The following DPH6 variants were observed in gnomAD, a reference collection of about 807,000 sequenced individuals.
DPH6 encodes diphthamine biosynthesis 6, also known as diphthine--ammonia ligase.
A neutral mutation model predicts 38.2 loss-of-function variants in DPH6; 33 were observed. The observed-to-expected ratio is 0.86, with a 90% confidence interval of 0.65 to 1.15. The LOEUF is 1.15. DPH6 is among the 50% of genes most tolerant of loss of function. DPH6 has a pLI of 0.00. For missense variants in DPH6, 325 were observed against 320.0 expected (o/e 1.02, Z -0.12); for synonymous variants, 108 against 103.0 (o/e 1.05, Z -0.30).
At chr15:35,326,835 TCCCTACCTCACTAAGAA>T (rs1317555372), downstream of DPH6, among the ~76,000 whole-genome samples, 1 of 152,080 alleles carries the variant, frequency 6.6e-6, no homozygotes, top group Non-Finnish European at 1.5e-5. Flanking sequence ...TACCTCCCCA[TCCCTACCTCACTAAGAA>T]CCTGCATTCT....
chr15:35,282,763 G>A (rs1344720899), intron 3 of DPH6: 3 of 350,190 alleles, frequency 8.6e-6, no homozygotes, highest in East Asian at 6.7e-5. Flanking sequence ...TGGAGAAGTT[G>A]TCTAGTCATC....
chr15:35,542,945 AATAT>A lies in DPH6; in HGVS notation c.24-442_24-439del, dbSNP rs67141062. ...ATAATATATATTATTCCACTTAAGGAATATATATATATATATATATAAAATAATT... is the reference window on the plus strand; with the variant it reads ...ATAATATATATTATTCCACTTAAGGAATATATATATATATATAAAATAATT... On this transcript the variant is annotated intron_variant, in intron 1 of 8. Transcript: ENST00000256538. Among the ~76,000 whole-genome samples the A allele has an allele frequency of 0.014, 430 of 30,230 alleles. 45 individuals carry two copies. The East Asian group carries it at 0.2, about 14-fold the overall frequency. The allele number at this position is 30,230 out of a possible 152,430, so 19.8% of individuals were successfully genotyped here.
intron 3 of DPH6, among the ~76,000 whole-genome samples, chr15:35,261,613 G>A (rs1334663505): frequency 2.0e-5 from 3 of 151,988 alleles, no homozygotes; most frequent in East Asian, 1.9e-4. Context: ...CGGGAAGATC[G>A]CTTGAGCTCA....
chr15:35,511,593 C>T (rs542577802), intron 3 of DPH6, among the ~76,000 whole-genome samples: 6 of 152,134 alleles, frequency 3.9e-5, no homozygotes, highest in African/African-American at 1.4e-4. Flanking sequence ...AAAAGAGCAG[C>T]GATACTCCTC....
At chr15:35,468,529 A>G (rs1041485920) in intron 3 of DPH6, among the ~76,000 whole-genome samples, 2 of 152,088 alleles carry the variant, frequency 1.3e-5, no homozygotes, top group Non-Finnish European at 2.9e-5. Context: ...CTCATCTACC[A>G]TTCTCCCTTT....
intron 3 of DPH6, among the ~76,000 whole-genome samples, chr15:35,301,453 AC>A (rs2052054090): frequency 6.6e-6 from 1 of 152,220 alleles, no homozygotes; most frequent in African/African-American, 2.4e-5. Flanking sequence ...TTGCTCAGTG[AC>A]TTTTCTCCTC....
At chr15:35,423,074 C>T (rs369926474) in intron 5 of DPH6, among the ~76,000 whole-genome samples, 1 of 151,944 alleles carries the variant, frequency 6.6e-6, no homozygotes, top group African/African-American at 2.4e-5. Flanking sequence ...TGGGTATATA[C>T]TCAGAAGTGT....
At chr15:35,385,253 C>G (rs560370851) in intron 6 of DPH6, among the ~76,000 whole-genome samples, 1 of 152,294 alleles carries the variant, frequency 6.6e-6, no homozygotes, top group South Asian at 2.1e-4. Flanking sequence ...TTTGACCCAG[C>G]CATCCCATTA....
intron 3 of DPH6, among the ~76,000 whole-genome samples, chr15:35,313,591 C>T (rs889492123): frequency 6.6e-6 from 1 of 151,896 alleles, no homozygotes; most frequent in African/African-American, 2.4e-5. Context: ...ATATATTATT[C>T]GTATCTATTG....
At chr15:35,539,966 T>TA (rs1211460140) in intron 2 of DPH6, among the ~76,000 whole-genome samples, 1 of 152,094 alleles carries the variant, frequency 6.6e-6, no homozygotes, top group Non-Finnish European at 1.5e-5. Flanking sequence ...CAAAGTTACC[T>TA]AAAAACCTTT....
the DPH6 span, among the ~76,000 whole-genome samples, chr15:35,175,257 C>T: frequency 3.9e-5 from 6 of 152,188 alleles, no homozygotes; most frequent in Non-Finnish European, 8.8e-5. Context: ...AACACTCACC[C>T]TGTTTTCAAT....
intron 3 of DPH6, among the ~76,000 whole-genome samples, chr15:35,297,018 C>T (rs528242025): frequency 3.0e-3 from 463 of 152,250 alleles, no homozygotes; most frequent in African/African-American, 0.011. Flanking sequence ...TATGCTGCAC[C>T]TTCCCTAGGA....
intron 3 of DPH6, among the ~76,000 whole-genome samples, chr15:35,225,678 T>C (rs978845663): frequency 6.6e-6 from 1 of 152,210 alleles, no homozygotes; most frequent in Non-Finnish European, 1.5e-5. Flanking sequence ...AGATTTTTTC[T>C]ATTAAGCTAT....
chr15:35,390,881 G>A (rs972013506), intron 6 of DPH6, among the ~76,000 whole-genome samples: 1 of 152,176 alleles, frequency 6.6e-6, no homozygotes, highest in Non-Finnish European at 1.5e-5. Flanking sequence ...TCCATTGCTG[G>A]TGAGGAGCTG....
At chr15:35,157,290 T>C in the DPH6 span, among the ~76,000 whole-genome samples, 142,334 of 152,198 alleles carry the variant, frequency 0.94, 67,313 homozygotes, top group East Asian at 1. Context: ...CTGTACTCCA[T>C]ATCAAATTCA....
chr15:35,442,842 A>T (rs1481574885), intron 5 of DPH6, among the ~76,000 whole-genome samples: 1 of 152,224 alleles, frequency 6.6e-6, no homozygotes, highest in Non-Finnish European at 1.5e-5. Flanking sequence ...GAAGACACAA[A>T]GTCCTCATGG....
chr15:35,225,371 C>T (rs1294117580), intron 3 of DPH6, among the ~76,000 whole-genome samples: 2 of 152,202 alleles, frequency 1.3e-5, no homozygotes, highest in African/African-American at 4.8e-5. Flanking sequence ...CCTCTCCTTT[C>T]ATGCTCTATT....
At chr15:35,393,721 C>A (rs1323553177) in intron 6 of DPH6, among the ~76,000 whole-genome samples, 1 of 152,038 alleles carries the variant, frequency 6.6e-6, no homozygotes, top group African/African-American at 2.4e-5. Context: ...GGAGGGAGGT[C>A]AGAAAGTGAC....
At chr15:35,497,155 T>C (rs544912490) in intron 3 of DPH6, among the ~76,000 whole-genome samples, 57 of 152,308 alleles carry the variant, frequency 3.7e-4, no homozygotes, top group African/African-American at 4.8e-4. Context: ...TAATTAGTAA[T>C]TATCAGACTA....
Sources: gnomAD v4.1 joint callset for allele counts (sites outside exome capture counted in the v4.1 genomes callset) on GRCh38, gnomAD v4.1.1 for gene constraint, MANE v1.5 for transcripts, NCBI Gene and HGNC (gene_info 2026-07-23, HGNC 2026-07-21) for gene names.